PTPRM: variants seen among roughly 807,000 people sequenced by gnomAD.
PTPRM encodes receptor-type tyrosine-protein phosphatase mu.
In PTPRM, 47 loss-of-function variants were observed where a neutral mutation model predicts 186.7. The ratio of observed to expected loss-of-function variants is 0.25; its 90% CI spans 0.20 to 0.32. The LOEUF (loss-of-function observed/expected upper bound fraction) is 0.32, where lower values mean the gene tolerates loss of function less well. Among genes scored for constraint, PTPRM ranks in the 10% least tolerant of loss-of-function variants. The pLI is 1.00. For missense variants in PTPRM, 1,494 were observed against 1,865.0 expected (o/e 0.80, Z 3.66); for synonymous variants, 668 against 674.9 (o/e 0.99, Z 0.16).
chr18:7,884,386 G>T (rs570675189), intron 2 of PTPRM, among the ~76,000 whole-genome samples: 1 of 152,100 alleles, frequency 6.6e-6, no homozygotes, highest in Non-Finnish European at 1.5e-5. Flanking sequence ...AAGGTGCTTG[G>T]CAGAGACTTT....
chr18:8,152,692 C>T (rs2093036345), intron 14 of PTPRM, among the ~76,000 whole-genome samples: 2 of 132,230 alleles, frequency 1.5e-5, no homozygotes, highest in Non-Finnish European at 3.3e-5. Context: ...TTTTCTTTCT[C>T]TTTTTCTTAT....
intron 7 of PTPRM, among the ~76,000 whole-genome samples, chr18:7,984,950 T>TATAATTGTATATAC (rs1228291804): frequency 4.0e-5 from 5 of 124,492 alleles, no homozygotes; most frequent in African/African-American, 1.6e-4. Flanking sequence ...TATATATACA[T>TATAATTGTATATAC]ATATAATTAT....
chr18:8,276,024 C>T (rs764917477), intron 19 of PTPRM, among the ~76,000 whole-genome samples: 11 of 152,146 alleles, frequency 7.2e-5, no homozygotes, highest in Non-Finnish European at 1.6e-4. Context: ...CTCAATTCCA[C>T]GCCACTGTCT....
chr18:7,737,640 G>C (rs959297678), intron 1 of PTPRM, among the ~76,000 whole-genome samples: 1 of 152,198 alleles, frequency 6.6e-6, no homozygotes, highest in East Asian at 1.9e-4. Context: ...AGTGGTCCTG[G>C]GGAATGTTGT....
Position 8,394,531 on chromosome 18 carries a change from C to T in PTPRM, c.4264C>T (p.Leu1422Phe). 5 of 1,613,774 alleles carry T rather than the reference C, an allele frequency of 3.1e-6. No individual in the cohort carries two copies. The highest frequency in any genetic ancestry group is 4.2e-6 in the Non-Finnish European group (5 of 1,179,908). Residue 1422 changes from leucine to phenylalanine, a missense_variant, in exon 32 of 33, where the codon CTC becomes TTC. Around this residue, in one of 3 missense-constraint regions of PTPRM, gnomAD observed 1,107 missense variants for 1,350.2 expected, o/e 0.82. Transcript: ENST00000580170. The stretch of plus-strand genomic sequence containing the variant: ...CGCCATCAGCATCGTATGTGAGATG[C>T]TCCGGCACCAGAGAACCGTGGATGT... ...FCAISIVCEM[L>F]RHQRTVDVFH...
intron 7 of PTPRM, among the ~76,000 whole-genome samples, chr18:8,046,928 A>G (rs2087104467): frequency 6.6e-6 from 1 of 152,194 alleles, no homozygotes; most frequent in Non-Finnish European, 1.5e-5. Context: ...TCTGCCCACC[A>G]TGTACTCTTG....
rs559480283 is a variant in PTPRM, at chr18:8,019,372, CT to C, written c.1133-50309del. On this transcript the variant is annotated intron_variant, in intron 7 of 32. Coordinates refer to ENST00000580170, the MANE Select transcript of PTPRM (RefSeq NM_001105244.2). ...ATCAGAAAATTCTACCTAAATTTCT[CT>C]TTTTGTTTTGGCCCTTGTGGGAACA... Among the ~76,000 whole-genome samples the C allele has an allele frequency of 3.8e-3, 572 of 152,186 alleles. 2 individuals are homozygous for C. Among genetic ancestry groups the C allele is most frequent in the African/African-American group, 0.013 (537 of 41,536 alleles).
At chr18:7,824,289 C>T (rs1330445908) in intron 2 of PTPRM, among the ~76,000 whole-genome samples, 2 of 152,190 alleles carry the variant, frequency 1.3e-5, no homozygotes, top group Non-Finnish European at 2.9e-5. Flanking sequence ...GAAGTAGGAT[C>T]TCCCACTGTT....
intron 5 of PTPRM, among the ~76,000 whole-genome samples, chr18:7,927,236 G>A (rs1221455918): frequency 6.6e-5 from 10 of 152,092 alleles, no homozygotes; most frequent in African/African-American, 2.2e-4. Context: ...AGAGGGTTGC[G>A]TGGATACATC....
intron 1 of PTPRM, among the ~76,000 whole-genome samples, chr18:7,738,560 C>G (rs552051276): frequency 6.6e-6 from 1 of 151,588 alleles, no homozygotes; most frequent in Non-Finnish European, 1.5e-5. Flanking sequence ...CTCAGCCTCC[C>G]GAGTAGCTGG....
intron 14 of PTPRM, among the ~76,000 whole-genome samples, chr18:8,225,831 T>C (rs985778694): frequency 1.3e-5 from 2 of 152,210 alleles, no homozygotes; most frequent in African/African-American, 4.8e-5. Context: ...TACCAAAAGA[T>C]AACCATAAAC....
chr18:7,610,468 C>A (rs1475521087), intron 1 of PTPRM, among the ~76,000 whole-genome samples: 1 of 151,980 alleles, frequency 6.6e-6, no homozygotes. Flanking sequence ...AATTATTTTT[C>A]TTCAAAAATT....
chr18:7,758,858 T>C (rs1273922819), intron 1 of PTPRM, among the ~76,000 whole-genome samples: 2 of 152,198 alleles, frequency 1.3e-5, no homozygotes, highest in Admixed American at 1.3e-4. Context: ...TGAAGTGTAC[T>C]GCTGAAAAGT....
intron 14 of PTPRM, among the ~76,000 whole-genome samples, chr18:8,144,063 G>T (rs538010588): frequency 6.6e-6 from 1 of 152,264 alleles, no homozygotes; most frequent in South Asian, 2.1e-4. Flanking sequence ...AATCTTAGAA[G>T]CCACTTATTC....
intron 22 of PTPRM, among the ~76,000 whole-genome samples, chr18:8,328,366 A>C (rs1268897498): frequency 6.6e-6 from 1 of 152,210 alleles, no homozygotes; most frequent in African/African-American, 2.4e-5. Flanking sequence ...ATTATTTCTC[A>C]GTAGAATTGA....
chr18:7,766,699 G>A (rs765264256), intron 1 of PTPRM, among the ~76,000 whole-genome samples: 55 of 152,186 alleles, frequency 3.6e-4, no homozygotes, highest in Non-Finnish European at 5.4e-4. Flanking sequence ...AGCTCAGGGA[G>A]GCCACTCCTT....
chr18:7,713,081 G>T (rs562934722), intron 1 of PTPRM, among the ~76,000 whole-genome samples: 1 of 152,096 alleles, frequency 6.6e-6, no homozygotes, highest in Non-Finnish European at 1.5e-5. Context: ...GATTCACCAA[G>T]ATTGAAATGA....
At chr18:8,195,152 C>CTTTTTTTTTTTTTTTTT (rs1164451439) in intron 14 of PTPRM, among the ~76,000 whole-genome samples, 3 of 117,066 alleles carry the variant, frequency 2.6e-5, no homozygotes, top group Non-Finnish European at 5.3e-5. Flanking sequence ...CTTAGAAGTT[C>CTTTTTTTTTTTTTTTTT]TTTTTTTTTT....
intron 14 of PTPRM, among the ~76,000 whole-genome samples, chr18:8,240,916 A>G (rs540502114): frequency 2.6e-5 from 4 of 152,170 alleles, no homozygotes; most frequent in Admixed American, 6.5e-5. Flanking sequence ...CGTTTTTCCT[A>G]CAGCATGTGC....
Sources: allele counts gnomAD v4.1 joint callset (sites outside exome capture counted in the v4.1 genomes callset), GRCh38; gene constraint gnomAD v4.1.1; regional missense constraint gnomAD v4.1.1; transcripts MANE v1.5; gene names NCBI Gene and HGNC (gene_info 2026-07-23, HGNC 2026-07-21).